The following CACNG2 variants were observed in gnomAD, a reference collection of about 807,000 sequenced individuals.
The protein encoded by CACNG2 is calcium voltage-gated channel auxiliary subunit gamma 2, also known as voltage-dependent calcium channel gamma-2 subunit.
In CACNG2, 3 loss-of-function variants were observed where a neutral mutation model predicts 25.9. That is an observed-to-expected ratio of 0.12 (90% CI 0.05 to 0.30). The LOEUF (loss-of-function observed/expected upper bound fraction) is 0.30, where lower values mean the gene tolerates loss of function less well. Among genes scored for constraint, CACNG2 ranks in the 10% least tolerant of loss-of-function variants. The pLI is 1.00. For synonymous variants in CACNG2, 167 were observed against 173.3 expected (o/e 0.96, Z 0.29); for missense variants, 341 against 432.5 (o/e 0.79, Z 1.88).
chr22:36,632,381 A>G (rs1440666307), intron 1 of CACNG2, among the ~76,000 whole-genome samples: 1 of 152,074 alleles, frequency 6.6e-6, no homozygotes, highest in Non-Finnish European at 1.5e-5. Flanking sequence ...TCCCCCTGCC[A>G]TCAAGTTGGT....
intron 1 of CACNG2, among the ~76,000 whole-genome samples, chr22:36,655,965 G>A (rs1268898725): frequency 2.0e-5 from 3 of 151,888 alleles, no homozygotes; most frequent in Admixed American, 2.0e-4. Context: ...GTGCCACCAC[G>A]CCCAGTTAAT....
chr22:36,670,630 T>TTTTTGTTTGTTTTG (rs113777902), intron 1 of CACNG2, among the ~76,000 whole-genome samples: 21 of 151,312 alleles, frequency 1.4e-4, no homozygotes, highest in African/African-American at 4.9e-4. Context: ...TGTTTTTGTT[T>TTTTTGTTTGTTTTG]TTTTGTTTTG....
chr22:36,653,824 C>T (rs1341197827), intron 1 of CACNG2, among the ~76,000 whole-genome samples: 2 of 152,052 alleles, frequency 1.3e-5, no homozygotes, highest in Admixed American at 6.5e-5. Context: ...ACTACAGACC[C>T]TTTCTTGGAG....
At chr22:36,668,034 C>T (rs929179142) in intron 1 of CACNG2, among the ~76,000 whole-genome samples, 2 of 152,206 alleles carry the variant, frequency 1.3e-5, no homozygotes, top group South Asian at 2.1e-4. Context: ...CTTCAGATAC[C>T]GCCACAGTCT....
intron 1 of CACNG2, among the ~76,000 whole-genome samples, chr22:36,593,556 G>A (rs530132485): frequency 3.9e-5 from 6 of 152,294 alleles, no homozygotes; most frequent in Non-Finnish European, 8.8e-5. Flanking sequence ...GGGAAAGCCA[G>A]ATTTCCATTA....
intron 1 of CACNG2, among the ~76,000 whole-genome samples, chr22:36,683,602 A>T (rs957613301): frequency 1.3e-5 from 2 of 152,174 alleles, no homozygotes; most frequent in African/African-American, 4.8e-5. Flanking sequence ...TATGATCATT[A>T]TGGAGAAATC....
At chr22:36,657,598 A>G (rs1210469927) in intron 1 of CACNG2, among the ~76,000 whole-genome samples, 1 of 76,308 alleles carries the variant, frequency 1.3e-5, no homozygotes, top group Non-Finnish European at 3.0e-5. Flanking sequence ...TTTGATTCCT[A>G]TGCTGGATAG....
At chr22:36,565,713 C>G (rs1935113882) in intron 3 of CACNG2, among the ~76,000 whole-genome samples, 1 of 152,188 alleles carries the variant, frequency 6.6e-6, no homozygotes, top group African/African-American at 2.4e-5. Flanking sequence ...TGGTCTCGGA[C>G]TCCTGAGCTC....
At chr22:36,689,402 A>C (rs955768461) in intron 1 of CACNG2, among the ~76,000 whole-genome samples, 1 of 152,196 alleles carries the variant, frequency 6.6e-6, no homozygotes, top group African/African-American at 2.4e-5. Flanking sequence ...CCAACGAAGA[A>C]AATAAAATCG....
chr22:36,593,231 C>T (rs1935623591), intron 1 of CACNG2, among the ~76,000 whole-genome samples: 1 of 152,210 alleles, frequency 6.6e-6, no homozygotes, highest in Non-Finnish European at 1.5e-5. Flanking sequence ...AGCACCGGCA[C>T]ATCAGGTTGG....
At chr22:36,608,888 G>C (rs1935882472) in intron 1 of CACNG2, among the ~76,000 whole-genome samples, 1 of 152,106 alleles carries the variant, frequency 6.6e-6, no homozygotes, top group African/African-American at 2.4e-5. Context: ...GTACCTGCTA[G>C]CTATTGTTAA....
intron 1 of CACNG2, among the ~76,000 whole-genome samples, chr22:36,667,811 C>A (rs1487593127): frequency 1.3e-5 from 2 of 152,146 alleles, no homozygotes; most frequent in African/African-American, 4.8e-5. Context: ...CCTGACAGAG[C>A]TATGCTAATC....
At chr22:36,676,851 G>A (rs775457943) in intron 1 of CACNG2, among the ~76,000 whole-genome samples, 16 of 152,138 alleles carry the variant, frequency 1.1e-4, no homozygotes, top group South Asian at 1.0e-3. Flanking sequence ...CAGCCTCAGC[G>A]AATGCCCTGG....
At chr22:36,579,824 C>T (rs1267978396) in intron 2 of CACNG2, among the ~76,000 whole-genome samples, 6 of 152,230 alleles carry the variant, frequency 3.9e-5, no homozygotes, top group African/African-American at 1.4e-4. Flanking sequence ...AGCACTCCCT[C>T]ACCTCCTTTA....
chr22:36,605,357 G>A (rs1452909073), intron 1 of CACNG2, among the ~76,000 whole-genome samples: 2 of 152,050 alleles, frequency 1.3e-5, no homozygotes, highest in Non-Finnish European at 2.9e-5. Flanking sequence ...TTAAAGGCAT[G>A]AGCCACCATG....
chr22:36,623,630 AG>A (rs1391326582), intron 1 of CACNG2, among the ~76,000 whole-genome samples: 5 of 152,172 alleles, frequency 3.3e-5, no homozygotes, highest in South Asian at 4.1e-4. Flanking sequence ...TGACACAGAA[AG>A]ACTGAGACTG....
At chr22:36,664,995 G>A (rs991560448) in intron 1 of CACNG2, among the ~76,000 whole-genome samples, 7 of 152,152 alleles carry the variant, frequency 4.6e-5, no homozygotes, top group African/African-American at 1.4e-4. Flanking sequence ...GGAAGCTGGC[G>A]AGAGTGGGAG....
chr22:36,620,118 G>C (rs1020186235), intron 1 of CACNG2, among the ~76,000 whole-genome samples: 5 of 152,218 alleles, frequency 3.3e-5, no homozygotes, highest in African/African-American at 1.2e-4. Context: ...TGCCTGGACT[G>C]CTGAGTCTAG....
At chr22:36,682,982 C>A (rs1273597435) in intron 1 of CACNG2, among the ~76,000 whole-genome samples, 1 of 152,130 alleles carries the variant, frequency 6.6e-6, no homozygotes, top group Admixed American at 6.5e-5. Flanking sequence ...AGCTTCATTG[C>A]GAGAACGCTT....
Sources: allele counts gnomAD v4.1 joint callset (sites outside exome capture counted in the v4.1 genomes callset), GRCh38; gene constraint gnomAD v4.1.1; transcripts MANE v1.5; gene names NCBI Gene and HGNC (gene_info 2026-07-23, HGNC 2026-07-21).